The following HOXD11 variants were observed in gnomAD, a reference collection of about 807,000 sequenced individuals.
HOXD11 encodes the protein homeobox D11.
HOXD11 carries 16 observed loss-of-function variants against 23.1 expected under a neutral mutation model. The ratio of observed to expected loss-of-function variants is 0.69; its 90% CI spans 0.47 to 1.05. The LOEUF is 1.05. HOXD11 is among the 50% of genes least tolerant of loss of function. The pLI, the probability that HOXD11 is intolerant of heterozygous loss-of-function variation, is 0.00. For synonymous variants in HOXD11, 262 were observed against 224.4 expected (o/e 1.17, Z -1.50); for missense variants, 564 against 495.6 (o/e 1.14, Z -1.31).
rs759391243 is a variant in HOXD11 at position 176,107,483 on chromosome 2, T to A, written c.128T>A (p.Met43Lys). The A allele has an allele frequency of 6.2e-7, 1 of 1,613,986 alleles. No homozygotes were observed. The highest frequency in any genetic ancestry group is 2.2e-5 in the East Asian group (1 of 44,836). Residue 43 changes from methionine to lysine, a missense_variant, in exon 1 of 2, where the codon ATG becomes AAG. Coordinates refer to ENST00000249504, the MANE Select transcript of HOXD11 (RefSeq NM_021192.3). Reference sequence around the variant, plus strand: ...CTTTCCCAACCGTCGTCCTGCCAGATGACTTTCCCCTACTCTTCCAACCTG... The same window carrying A: ...CTTTCCCAACCGTCGTCCTGCCAGAAGACTTTCCCCTACTCTTCCAACCTG... ...SFLSQPSSCQ[M>K]TFPYSSNLAP... is the part of the protein sequence containing the mutation.
At chr2:176,110,125 T>C (rs1055644512), downstream of HOXD11, among the ~76,000 whole-genome samples, 7 of 152,312 alleles carry the variant, frequency 4.6e-5, no homozygotes, top group Admixed American at 3.9e-4. Flanking sequence ...GGCTTGCTGG[T>C]GTCATAAGTG....
At chr2:176,112,551 G>GC (rs906916291), downstream of HOXD11, among the ~76,000 whole-genome samples, 5 of 152,228 alleles carry the variant, frequency 3.3e-5, no homozygotes, top group Non-Finnish European at 4.4e-5. Flanking sequence ...GCTCCAGTGA[G>GC]CCCCCCGGCG....
chr2:176,109,387 A>G lies in HOXD11; in HGVS notation c.*245A>G, dbSNP rs1425102904. ...AATGCAAACGTCCCGTTACAATTTT[A>G]CCGCCAGTGTGCTGTCGTTCCCCCT... On this transcript the variant is annotated 3_prime_UTR_variant, in exon 2 of 2. Transcript: ENST00000249504. 1 of 462,388 alleles carries G rather than the reference A, an allele frequency of 2.2e-6. No individual in the cohort carries two copies. The highest frequency in any genetic ancestry group is 3.9e-6 in the Non-Finnish European group (1 of 257,180). The allele number at this position is 462,388 out of a possible 1,614,324, so 28.6% of individuals were successfully genotyped here. A position where few individuals can be genotyped will look rare whatever the true frequency, so the allele number is the denominator to read the frequency against.
downstream of HOXD11, among the ~76,000 whole-genome samples, chr2:176,114,089 A>G (rs764659698): frequency 1.3e-5 from 2 of 152,244 alleles, no homozygotes; most frequent in Non-Finnish European, 2.9e-5. Flanking sequence ...ACAAGTTCCC[A>G]GCAGCTCTTC....
At chr2:176,115,544 C>T in the HOXD11 span, among the ~76,000 whole-genome samples, 1 of 152,196 alleles carries the variant, frequency 6.6e-6, no homozygotes, top group African/African-American at 2.4e-5. Flanking sequence ...TGTGTGGCAA[C>T]AGCGGGCATA....
chr2:176,107,698 G>T lies in HOXD11; in HGVS notation c.343G>T (p.Ala115Ser). The part of the protein sequence containing the change: ...PYYAAAAAAA[A>S]AAAAAEEAAM... The stretch of plus-strand genomic sequence containing the variant: ...CTACGCGGCGGCGGCGGCGGCGGCT[G>T]CGGCGGCCGCGGCGGCCGAGGAGGC... Residue 115 changes from alanine (A) to serine (S), a missense_variant, in exon 1 of 2, where the codon GCG becomes TCG. Physicochemically the swap from Ala to Ser is moderately conservative, Grantham distance 99 (BLOSUM62 1). Coordinates refer to ENST00000249504, the MANE Select transcript of HOXD11 (RefSeq NM_021192.3). The T allele has an allele frequency of 9.8e-7, 1 of 1,019,350 alleles. No homozygotes were observed. The highest frequency in any genetic ancestry group is 1.2e-6 in the Non-Finnish European group (1 of 855,432). The allele number at this position is 1,019,350 out of a possible 1,614,324, so 63.1% of individuals were successfully genotyped here. A position where few individuals can be genotyped will look rare whatever the true frequency, so the allele number is the denominator to read the frequency against.
downstream of HOXD11, among the ~76,000 whole-genome samples, chr2:176,113,327 G>A (rs1027276287): frequency 4.6e-5 from 7 of 152,202 alleles, no homozygotes; most frequent in African/African-American, 9.7e-5. Flanking sequence ...GCAGATGCAA[G>A]CCACTTTTTG....
chr2:176,111,766 C>T (rs1689675104), downstream of HOXD11, among the ~76,000 whole-genome samples: 1 of 137,240 alleles, frequency 7.3e-6, no homozygotes, highest in South Asian at 2.3e-4. Context: ...TTCTTGGTTT[C>T]AGTGTGGAGA....
At chr2:176,108,866 G>T (rs539424632) in intron 1 of HOXD11, 41 bp from the exon 2 acceptor site, 2 of 1,466,068 alleles carry the variant, frequency 1.4e-6, no homozygotes, top group African/African-American at 1.4e-5. Flanking sequence ...GGGGCTGTCA[G>T]GCAGCGGCCT....
At chr2:176,110,829 A>C (rs924059621), downstream of HOXD11, among the ~76,000 whole-genome samples, 1 of 152,332 alleles carries the variant, frequency 6.6e-6, no homozygotes, top group South Asian at 2.1e-4. Flanking sequence ...ATTTCCCTGC[A>C]AACGTTTGTG....
downstream of HOXD11, among the ~76,000 whole-genome samples, chr2:176,114,451 C>T (rs1004324764): frequency 6.6e-6 from 1 of 152,042 alleles, no homozygotes; most frequent in Non-Finnish European, 1.5e-5. Context: ...CAGTTAGAGG[C>T]GCCAGGCTTT....
chr2:176,114,870 C>T, the HOXD11 span, among the ~76,000 whole-genome samples: 2 of 152,226 alleles, frequency 1.3e-5, no homozygotes, highest in East Asian at 1.9e-4. Context: ...AACACAGATG[C>T]CCTCCCGGAC....
downstream of HOXD11, among the ~76,000 whole-genome samples, chr2:176,110,632 C>T (rs1277390477): frequency 1.3e-5 from 2 of 152,176 alleles, no homozygotes; most frequent in African/African-American, 2.4e-5. Flanking sequence ...ATGTCAAGGT[C>T]ATCACCTTTA....
chr2:176,108,246 C>T (rs1048719726), intron 1 of HOXD11, 110 bp downstream of exon 1: 18 of 727,716 alleles, frequency 2.5e-5, no homozygotes, highest in African/African-American at 5.7e-5. Flanking sequence ...TATAAGCATT[C>T]GAAGAGGTTT....
downstream of HOXD11, among the ~76,000 whole-genome samples, chr2:176,112,186 C>T (rs1015443148): frequency 1.3e-5 from 2 of 152,196 alleles, no homozygotes; most frequent in African/African-American, 4.8e-5. Context: ...TTGCGTTTGA[C>T]AGAAAACTGG....
At chr2:176,112,384 C>T (rs1689689892), downstream of HOXD11, among the ~76,000 whole-genome samples, 1 of 152,224 alleles carries the variant, frequency 6.6e-6, no homozygotes, top group Admixed American at 6.5e-5. Flanking sequence ...GGGAGGATGA[C>T]TGCCCCCTTT....
downstream of HOXD11, among the ~76,000 whole-genome samples, chr2:176,111,826 CA>C (rs1176283938): frequency 0.049 from 1,113 of 22,684 alleles, 1 homozygote; most frequent in South Asian, 0.1. Flanking sequence ...CTCCCCCCCG[CA>C]AAAAAAAAAA....
downstream of HOXD11, among the ~76,000 whole-genome samples, chr2:176,110,962 T>C (rs1410573256): frequency 6.6e-6 from 1 of 152,190 alleles, no homozygotes; most frequent in Non-Finnish European, 1.5e-5. Context: ...AGTGGTCCCC[T>C]TTGCTTTAAT....
At chr2:176,113,082 A>C (rs998054564), downstream of HOXD11, among the ~76,000 whole-genome samples, 1 of 152,122 alleles carries the variant, frequency 6.6e-6, no homozygotes, top group Non-Finnish European at 1.5e-5. Context: ...CCCTTATTGC[A>C]TTGGTGGTAG....
Sources: gnomAD v4.1 joint callset for allele counts (sites outside exome capture counted in the v4.1 genomes callset) on GRCh38, gnomAD v4.1.1 for gene constraint, MANE v1.5 for transcripts, NCBI Gene and HGNC (gene_info 2026-07-23, HGNC 2026-07-21) for gene names.